Variants in PPP1R1C observed in about 807,000 individuals in gnomAD.
PPP1R1C encodes the protein protein phosphatase 1 regulatory subunit 1C.
PPP1R1C carries 15 observed loss-of-function variants against 17.4 expected under a neutral mutation model. The observed-to-expected ratio is 0.86, with a 90% confidence interval of 0.58 to 1.33. The LOEUF is 1.33. PPP1R1C is among the 40% of genes most tolerant of loss of function. PPP1R1C has a pLI of 0.00. For synonymous variants in PPP1R1C, 35 were observed against 43.1 expected, an observed-to-expected ratio of 0.81 and a Z score of 0.73; for missense variants, 143 against 130.0, an observed-to-expected ratio of 1.10 and a Z score of -0.48.
chr2:182,109,253 C>T (rs1193626989), intron 4 of PPP1R1C, among the ~76,000 whole-genome samples: 1 of 152,052 alleles, frequency 6.6e-6, no homozygotes, highest in Non-Finnish European at 1.5e-5. Flanking sequence ...GCCCTTTTAT[C>T]AGGTGTGTCT....
chr2:182,023,980 A>T (rs1336999046), intron 2 of PPP1R1C: 1 of 152,132 alleles, frequency 6.6e-6, no homozygotes, highest in Non-Finnish European at 1.5e-5. Context: ...ATAAAAAGCA[A>T]ATTTCTCCTT....
At chr2:182,001,713 A>G (rs1393035843) in intron 2 of PPP1R1C, among the ~76,000 whole-genome samples, 2 of 152,164 alleles carry the variant, frequency 1.3e-5, no homozygotes, top group Non-Finnish European at 2.9e-5. Context: ...AGTACTGAAA[A>G]TCAAACAGTT....
intron 4 of PPP1R1C, among the ~76,000 whole-genome samples, chr2:182,066,358 C>T (rs1016406794): frequency 5.9e-5 from 9 of 152,066 alleles, no homozygotes; most frequent in Admixed American, 3.3e-4. Flanking sequence ...ATTCTATTTT[C>T]AGCTATCTCA....
intron 4 of PPP1R1C, among the ~76,000 whole-genome samples, chr2:182,089,570 A>G (rs928663125): frequency 2.0e-5 from 3 of 152,154 alleles, no homozygotes; most frequent in African/African-American, 7.2e-5. Flanking sequence ...TTTGTCTCAT[A>G]TTTAACTTCT....
At chr2:182,060,926 C>T (rs1687831160) in intron 2 of PPP1R1C, among the ~76,000 whole-genome samples, 1 of 152,248 alleles carries the variant, frequency 6.6e-6, no homozygotes, top group African/African-American at 2.4e-5. Context: ...AGAAGCCACC[C>T]AAGCACTGTC....
chr2:182,079,637 T>G (rs929078854), intron 4 of PPP1R1C, among the ~76,000 whole-genome samples: 1 of 152,224 alleles, frequency 6.6e-6, no homozygotes, highest in South Asian at 2.1e-4. Flanking sequence ...TTTCAAGGAC[T>G]GCCTTAATAG....
intron 5 of PPP1R1C, among the ~76,000 whole-genome samples, chr2:182,127,858 C>T (rs1689913125): frequency 1.3e-5 from 2 of 151,898 alleles, no homozygotes; most frequent in Admixed American, 6.6e-5. Context: ...TTTCTTCTTC[C>T]TTAAGGCATT....
At chr2:182,086,154 G>A (rs1688622488) in intron 4 of PPP1R1C, among the ~76,000 whole-genome samples, 1 of 151,924 alleles carries the variant, frequency 6.6e-6, no homozygotes, top group Admixed American at 6.6e-5. Flanking sequence ...AAAGATAAAT[G>A]ACAGACTAGA....
chr2:182,039,188 A>G (rs923880760), intron 2 of PPP1R1C, among the ~76,000 whole-genome samples: 45 of 152,248 alleles, frequency 3.0e-4, no homozygotes, highest in African/African-American at 1.1e-3. Flanking sequence ...TATTTCCACT[A>G]GGATGAGAAA....
rs78079368 is a variant in PPP1R1C at position 182,032,784 on chromosome 2, C to T, written c.143-28658C>T. Among the ~76,000 whole-genome samples the T allele has an allele frequency of 7.7e-4, 117 of 152,166 alleles. 2 individuals carry two copies. In the East Asian group the frequency reaches 0.018, roughly 23 times the overall value. ...CTACCTATTATGAGGATTAGAATAG[C>T]GTGATGGGATGAATAATGCCCAACA... On this transcript the variant is annotated intron_variant, in intron 2 of 4. Coordinates refer to ENST00000682840, the MANE Select transcript of PPP1R1C (RefSeq NM_001080545.3).
At chr2:182,045,540 G>A (rs1026567581) in intron 2 of PPP1R1C, among the ~76,000 whole-genome samples, 5 of 151,558 alleles carry the variant, frequency 3.3e-5, no homozygotes, top group Non-Finnish European at 5.9e-5. Flanking sequence ...TATTTAATGT[G>A]TACAGTAACA....
intron 1 of PPP1R1C, among the ~76,000 whole-genome samples, chr2:181,960,053 T>C (rs1267920837): frequency 1.3e-5 from 2 of 152,154 alleles, no homozygotes; most frequent in Non-Finnish European, 1.5e-5. Flanking sequence ...AAATAAAAGG[T>C]AAATATTGCC....
rs553387241 is a variant in PPP1R1C at position 181,990,688 on chromosome 2, G to A, written c.142+2789G>A. Among the ~76,000 whole-genome samples, 9 of 152,252 alleles carry A rather than the reference G, an allele frequency of 5.9e-5. 1 individual carries two copies. In the East Asian group the frequency reaches 1.5e-3, roughly 26 times the overall value. On this transcript the variant is annotated intron_variant, in intron 2 of 4. Transcript: ENST00000682840. The stretch of plus-strand genomic sequence containing the variant: ...TCTCATCTGTTCTAAATATTTCTGC[G>A]CGATCCAACAGTTTCTTTTCCACAC...
intron 4 of PPP1R1C, among the ~76,000 whole-genome samples, chr2:182,066,776 G>A (rs1687993696): frequency 6.6e-6 from 1 of 152,118 alleles, no homozygotes; most frequent in African/African-American, 2.4e-5. Context: ...AATGACAGCT[G>A]ATGACTAATA....
chr2:181,996,434 A>G, intron 2 of PPP1R1C, among the ~76,000 whole-genome samples: 1 of 152,170 alleles, frequency 6.6e-6, no homozygotes, highest in East Asian at 1.9e-4. Context: ...TTCCCAGCAC[A>G]TGTTGGAAAA....
intron 2 of PPP1R1C, among the ~76,000 whole-genome samples, chr2:182,031,843 T>C (rs1181921898): frequency 6.6e-6 from 1 of 152,142 alleles, no homozygotes. Flanking sequence ...GAAGATTTTG[T>C]TAAAAGAAAA....
intron 2 of PPP1R1C, among the ~76,000 whole-genome samples, chr2:181,979,315 C>T (rs1189676034): frequency 6.6e-6 from 1 of 152,196 alleles, no homozygotes; most frequent in Non-Finnish European, 1.5e-5. Context: ...CCGTTATTAT[C>T]ATCCAATTTC....
At chr2:182,070,293 T>A (rs1688104951) in intron 4 of PPP1R1C, among the ~76,000 whole-genome samples, 1 of 152,220 alleles carries the variant, frequency 6.6e-6, no homozygotes. Flanking sequence ...TTTAAGATGA[T>A]GCTGTAATGT....
At chr2:182,051,927 G>T (rs1687530724) in intron 2 of PPP1R1C, among the ~76,000 whole-genome samples, 1 of 151,856 alleles carries the variant, frequency 6.6e-6, no homozygotes, top group Non-Finnish European at 1.5e-5. Flanking sequence ...CTTGAACCAG[G>T]AGGCTGAGGT....
Sources: gnomAD v4.1 joint callset for allele counts (sites outside exome capture counted in the v4.1 genomes callset) on GRCh38, gnomAD v4.1.1 for gene constraint, MANE v1.5 for transcripts, NCBI Gene and HGNC (gene_info 2026-07-23, HGNC 2026-07-21) for gene names.